Variants in UBD observed in about 807,000 individuals in gnomAD.
UBD encodes ubiquitin like modifier D, also known as ubiquitin D.
A neutral mutation model predicts 2.3 loss-of-function variants in UBD; 1 was observed. The ratio of observed to expected loss-of-function variants is 0.43; its 90% CI spans 0.15 to 2.06. The LOEUF (loss-of-function observed/expected upper bound fraction) is 2.06. Among genes scored for constraint, UBD ranks in the 30% most tolerant of loss-of-function variants. UBD has a pLI of 0.29. For synonymous variants in UBD, 75 were observed against 76.5 expected (o/e 0.98, Z 0.10); for missense variants, 175 against 199.3 (o/e 0.88, Z 0.73).
chr6:29,558,427 G>A (rs540922984), intron 1 of UBD, among the ~76,000 whole-genome samples: 2 of 152,266 alleles, frequency 1.3e-5, no homozygotes, highest in South Asian at 4.1e-4. Context: ...CAGCGGGAGG[G>A]ACAATGATCG....
chr6:29,559,569 G>A (rs1762700060), intron 1 of UBD, 106 bp downstream of exon 1: 1 of 1,171,898 alleles, frequency 8.5e-7, no homozygotes, highest in Non-Finnish European at 1.2e-6. Flanking sequence ...TGCCTGCCCA[G>A]CCCCCCAGAG....
intron 1 of UBD, among the ~76,000 whole-genome samples, chr6:29,558,887 G>A (rs1582870385): frequency 6.6e-6 from 1 of 152,220 alleles, no homozygotes; most frequent in African/African-American, 2.4e-5. Context: ...CCCCAGGTCA[G>A]AGAACACGAG....
At position 29,555,899 on chromosome 6, in the gene UBD, C is replaced by A. The variant is rs8337; in HGVS notation, c.479G>T (p.Cys160Phe). 109 of 1,612,878 alleles carry A rather than the reference C, an allele frequency of 6.8e-5. No individual in the cohort carries two copies. The African/African-American group carries it at 1.1e-3, about 17-fold the overall frequency. ...IRKGNLLFLA[C>F]YCIGG is the part of the protein sequence containing the mutation. ...GGGTGGTCACCCTCCAATACAATAA[C>A]ATGCCAGGAAGAGTAAGTTGCCCTT... Residue 160 changes from cysteine (C) to phenylalanine (F), a missense_variant, in exon 2 of 2, where the codon TGT (cysteine) becomes TTT (phenylalanine). Coordinates refer to ENST00000377050, the MANE Select transcript of UBD (RefSeq NM_006398.4).
intron 1 of UBD, among the ~76,000 whole-genome samples, chr6:29,558,320 C>T (rs1762626840): frequency 6.6e-6 from 1 of 152,192 alleles, no homozygotes. Context: ...ACTTAGCTCA[C>T]ACCTGACCAA....
chr6:29,556,879 T>G (rs2127305833), intron 1 of UBD: 1 of 154,944 alleles, frequency 6.5e-6, no homozygotes, highest in East Asian at 1.9e-4. Flanking sequence ...ATCATTTGAA[T>G]CCAGGAGGCA....
intron 1 of UBD, chr6:29,557,760 C>T (rs1438002030): frequency 2.0e-5 from 3 of 151,422 alleles, no homozygotes; most frequent in African/African-American, 7.3e-5. Flanking sequence ...AAATAAACTC[C>T]CCTTCTAAAT....
In UBD at chr6:29,559,538, C is replaced by T. The variant is rs139497244; in HGVS notation, c.27+137G>A. On this transcript the variant is annotated intron_variant, in intron 1 of 1. Coordinates refer to ENST00000377050, the MANE Select transcript of UBD (RefSeq NM_006398.4). ...TCTTCCCATTCTGCAAATGTCAATGCCAGCCTCTTCTCCTGAAGGATGCCT... is the reference window on the plus strand; with the variant it reads ...TCTTCCCATTCTGCAAATGTCAATGTCAGCCTCTTCTCCTGAAGGATGCCT... 1.4e-4 allele frequency: 109 copies of T among 778,134 alleles called. 2 individuals carry two copies. The East Asian group carries it at 2.6e-3, about 18-fold the overall frequency. 48.2% of individuals were successfully genotyped at this position (778,134 alleles called of 1,614,324 possible).
chr6:29,557,014 C>T (rs1411202612), intron 1 of UBD: 1 of 152,182 alleles, frequency 6.6e-6, no homozygotes, highest in Non-Finnish European at 1.5e-5. Context: ...GGATATGCCT[C>T]ATTGTATCTT....
Position 29,555,720 on chromosome 6 carries a change from A to G in UBD, c.*160T>C. 1 of 601,742 alleles carries G rather than the reference A, an allele frequency of 1.7e-6. No individual in the cohort carries two copies. Among genetic ancestry groups the G allele is most frequent in the Non-Finnish European group, 2.9e-6 (1 of 341,440 alleles). The allele number at this position is 601,742 out of a possible 1,614,324, so 37.3% of individuals were successfully genotyped here. A position where few individuals can be genotyped will look rare whatever the true frequency, so the allele number is the denominator to read the frequency against. ...TTGTGTTAGAATCAAAGAAACATAG[A>G]GTTGGGCAATATACTTCATCCTACC... On this transcript the variant is annotated 3_prime_UTR_variant, in exon 2 of 2. Coordinates refer to ENST00000377050, the MANE Select transcript of UBD (RefSeq NM_006398.4).
At position 29,556,248 on chromosome 6, in the gene UBD, G is replaced by A; in HGVS notation, c.130C>T (p.Pro44Ser). ...AGCAAAAGAACCTGGTCCTGCACAGGAACCTTGGTCTTAGACCGGACATGT... is the reference window on the plus strand; with the variant it reads ...AGCAAAAGAACCTGGTCCTGCACAGAAACCTTGGTCTTAGACCGGACATGT... ...KEHVRSKTKV[P>S]VQDQVLLLGS... Residue 44 changes from proline (P) to serine (S), a missense_variant, in exon 2 of 2, where the codon CCT (proline) becomes TCT (serine). By Grantham distance (74) the Pro-to-Ser change is moderately conservative. Transcript: ENST00000377050. The A allele has an allele frequency of 1.2e-6, 2 of 1,613,076 alleles. No individual in the cohort carries two copies. Among genetic ancestry groups the A allele is most frequent in the Non-Finnish European group, 1.7e-6 (2 of 1,180,030 alleles).
In UBD at chr6:29,555,806, A is replaced by G; in HGVS notation, c.*74T>C. 2.5e-6 allele frequency: 3 copies of G among 1,215,866 alleles called. No homozygotes were observed. The highest frequency in any genetic ancestry group is 3.5e-6 in the Non-Finnish European group (3 of 852,936). 75.3% of individuals were successfully genotyped at this position (1,215,866 alleles called of 1,614,324 possible). On this transcript the variant is annotated 3_prime_UTR_variant, in exon 2 of 2. Transcript: ENST00000377050. The stretch of plus-strand genomic sequence containing the variant: ...TCATTAATTTTGGGAAATCATCAGA[A>G]GATGTGTTCGTTGAGTAAGAGATTA...
chr6:29,556,501 T>C (rs1275388035), intron 1 of UBD, 151 bp from the exon 2 acceptor site: 1 of 586,074 alleles, frequency 1.7e-6, no homozygotes, highest in Non-Finnish European at 3.0e-6. Flanking sequence ...TTGGAACTTC[T>C]TTTTTGGAAT....
chr6:29,557,063 T>A (rs1762558948), intron 1 of UBD: 1 of 152,180 alleles, frequency 6.6e-6, no homozygotes, highest in East Asian at 1.9e-4. Flanking sequence ...CCAGCAAAGT[T>A]AGAGATTATA....
At chr6:29,557,795 G>A (rs1283985108) in intron 1 of UBD, 2 of 151,158 alleles carry the variant, frequency 1.3e-5, no homozygotes, top group Admixed American at 1.3e-4. Flanking sequence ...ATTTTTTTTA[G>A]TTGACAATCT....
At position 29,555,742 on chromosome 6, in the gene UBD, T is replaced by C. The variant is rs1421779848; in HGVS notation, c.*138A>G. 1.5e-6 allele frequency: 1 copy of C among 650,366 alleles called. No homozygotes were observed. The highest frequency in any genetic ancestry group is 1.8e-5 in the African/African-American group (1 of 54,616). The allele number at this position is 650,366 out of a possible 1,614,324, so 40.3% of individuals were successfully genotyped here. Reference sequence around the variant, plus strand: ...TAGAGTTGGGCAATATACTTCATCCTACCCATCCCACCCAAATCTTACTCT... The same window carrying C: ...TAGAGTTGGGCAATATACTTCATCCCACCCATCCCACCCAAATCTTACTCT... On this transcript the variant is annotated 3_prime_UTR_variant, in exon 2 of 2. Transcript: ENST00000377050.
Position 29,556,201 on chromosome 6 carries a change from T to C in UBD, c.177A>G (p.Pro59=). Residue 59 remains proline (P), a synonymous_variant, in exon 2 of 2, where the codon CCA becomes CCG. Transcript: ENST00000377050. ...TGCCATAAGATGAGAGGCTTCTCCG[T>C]GGCTTTAAGATCTTGGAGCCCAGCA... ...VLLLGSKILK[P]RRSLSSYGID... 6.2e-7 allele frequency: 1 copy of C among 1,613,136 alleles called. No individual in the cohort carries two copies. Among genetic ancestry groups the C allele is most frequent in the Non-Finnish European group, 8.5e-7 (1 of 1,180,036 alleles).
At chr6:29,556,514 C>T (rs1056679091) in intron 1 of UBD, 164 bp from the exon 2 acceptor site, 2 of 579,566 alleles carry the variant, frequency 3.5e-6, no homozygotes, top group African/African-American at 3.7e-5. Context: ...TTTGGAATTA[C>T]CAAGTTACAA....
At position 29,556,246 on chromosome 6, in the gene UBD, AG is replaced by A. The variant is rs760440597; in HGVS notation, c.131del (p.Pro44LeufsTer14). On this transcript the variant is annotated frameshift_variant, in exon 2 of 2. Coordinates refer to ENST00000377050, the MANE Select transcript of UBD (RefSeq NM_006398.4). LOFTEE classifies it low-confidence loss of function (END_TRUNC). ...CCAGCAAAAGAACCTGGTCCTGCAC[AG>A]GAACCTTGGTCTTAGACCGGACATG... ...KEHVRSKTKV[P>X]VQDQVLLLGS... 1 of 1,613,120 alleles carries A rather than the reference AG, an allele frequency of 6.2e-7. No homozygotes were observed. The highest frequency in any genetic ancestry group is 8.5e-7 in the Non-Finnish European group (1 of 1,180,036).
Position 29,556,133 on chromosome 6 carries a change from T to C in UBD, c.245A>G (p.Lys82Arg). The C allele has an allele frequency of 6.2e-7, 1 of 1,613,128 alleles. No individual in the cohort carries two copies. The highest frequency in any genetic ancestry group is 8.5e-7 in the Non-Finnish European group (1 of 1,180,036). ...KTIHLTLKVV[K>R]PSDEELPLFL... ...CAAGGGCAGCTCCTCATCACTGGGC[T>C]TCACCACTTTCAGGGTAAGGTGGAT... The change falls in exon 2 of 2, where the codon AAG becomes AGG. Residue 82 changes from lysine to arginine, a missense_variant. By Grantham distance (26) the Lys-to-Arg change is conservative. Coordinates refer to ENST00000377050, the MANE Select transcript of UBD (RefSeq NM_006398.4).
Sources: allele counts gnomAD v4.1 joint callset (sites outside exome capture counted in the v4.1 genomes callset), GRCh38; gene constraint gnomAD v4.1.1; transcripts MANE v1.5; gene names NCBI Gene and HGNC (gene_info 2026-07-23, HGNC 2026-07-21).